The following ANKRD26 variants were observed in gnomAD, a reference collection of about 807,000 sequenced individuals.
ANKRD26 encodes ankyrin repeat domain-containing protein 26.
A neutral mutation model predicts 208.7 loss-of-function variants in ANKRD26; 141 were observed. That is an observed-to-expected ratio of 0.68 (90% CI 0.59 to 0.78). The LOEUF (loss-of-function observed/expected upper bound fraction) is 0.78. Ranked by LOEUF, ANKRD26 falls within the 30% of genes least tolerant of loss-of-function variation. The pLI is 0.00. For missense variants in ANKRD26, 1,889 were observed against 1,938.7 expected, an observed-to-expected ratio of 0.97 and a Z score of 0.48; for synonymous variants, 636 against 660.4, an observed-to-expected ratio of 0.96 and a Z score of 0.57.
chr10:26,955,590 C>CT, the ANKRD26 span, among the ~76,000 whole-genome samples: 1,408 of 152,270 alleles, frequency 9.2e-3, 10 homozygotes, highest in Middle Eastern at 0.037. Flanking sequence ...CTGTATTAAA[C>CT]TTTTTCCATT....
intron 11 of ANKRD26, 115 bp downstream of exon 11, chr10:27,066,372 G>A (rs573205201): frequency 7.7e-6 from 5 of 651,200 alleles, no homozygotes; most frequent in Non-Finnish European, 1.3e-5. Context: ...ATATAAGAAA[G>A]TAGTTCCTTA....
downstream of ANKRD26, among the ~76,000 whole-genome samples, chr10:27,001,269 G>C (rs2052718592): frequency 6.6e-6 from 1 of 152,174 alleles, no homozygotes; most frequent in Non-Finnish European, 1.5e-5. Context: ...GATAAAATGA[G>C]AAGGGCCTAA....
At chr10:26,966,325 T>G in the ANKRD26 span, among the ~76,000 whole-genome samples, 4 of 152,220 alleles carry the variant, frequency 2.6e-5, no homozygotes, top group Non-Finnish European at 5.9e-5. Flanking sequence ...GATCATGTCC[T>G]TTGCAGGGAC....
chr10:27,000,346 T>C (rs1490259479), downstream of ANKRD26, among the ~76,000 whole-genome samples: 4 of 152,220 alleles, frequency 2.6e-5, no homozygotes, highest in African/African-American at 9.6e-5. Context: ...TTGAAAAATA[T>C]TGTTTCCCCT....
At chr10:27,090,572 T>A (rs2056268551) in intron 4 of ANKRD26, among the ~76,000 whole-genome samples, 1 of 152,164 alleles carries the variant, frequency 6.6e-6, no homozygotes, top group Non-Finnish European at 1.5e-5. Flanking sequence ...TGCTCATCTT[T>A]GTAAATTACC....
chr10:27,030,442 AG>A, intron 25 of ANKRD26: 2 of 985,448 alleles, frequency 2.0e-6, no homozygotes, highest in South Asian at 9.4e-5. Flanking sequence ...CTGCGAAACA[AG>A]GTTCCCAAAT....
chr10:27,062,696 C>T (rs1269309076), intron 12 of ANKRD26, among the ~76,000 whole-genome samples: 1 of 152,110 alleles, frequency 6.6e-6, no homozygotes, highest in Non-Finnish European at 1.5e-5. Context: ...CATAACCAAC[C>T]CTACTCTCTT....
chr10:26,999,807 CAAA>C (rs68192322), downstream of ANKRD26, among the ~76,000 whole-genome samples: 10,961 of 74,796 alleles, frequency 0.15, 507 homozygotes, highest in East Asian at 0.34. Flanking sequence ...CAAAACCAAC[CAAA>C]AAAAAAAAAA....
At chr10:27,032,930 C>A (rs2053921927) in intron 25 of ANKRD26, among the ~76,000 whole-genome samples, 2 of 151,414 alleles carry the variant, frequency 1.3e-5, no homozygotes, top group African/African-American at 4.9e-5. Flanking sequence ...AAAAAATTAG[C>A]CAGGTGTGGC....
chr10:27,069,448 T>C (rs2055398921), intron 9 of ANKRD26, among the ~76,000 whole-genome samples: 1 of 152,012 alleles, frequency 6.6e-6, no homozygotes, highest in South Asian at 2.1e-4. Flanking sequence ...TAATATAAAA[T>C]TTGAGGCACC....
At chr10:27,020,273 T>C (rs1268752585) in intron 29 of ANKRD26, among the ~76,000 whole-genome samples, 1 of 152,256 alleles carries the variant, frequency 6.6e-6, no homozygotes, top group African/African-American at 2.4e-5. Context: ...CAAACATTTA[T>C]CATTTATTTG....
chr10:27,040,286 G>T, intron 20 of ANKRD26, 108 bp from the exon 21 acceptor site: 1 of 801,952 alleles, frequency 1.2e-6, no homozygotes. Context: ...CATATTGAGG[G>T]CCTACAATGT....
At chr10:26,982,681 G>A (rs1490037783) in intron 4 of ANKRD26, among the ~76,000 whole-genome samples, 2 of 152,078 alleles carry the variant, frequency 1.3e-5, no homozygotes, top group African/African-American at 4.8e-5. Context: ...AGCAACATAA[G>A]GGAAAGTAAA....
chr10:26,982,406 C>T (rs1427970656), intron 4 of ANKRD26, among the ~76,000 whole-genome samples: 1 of 152,066 alleles, frequency 6.6e-6, no homozygotes, highest in Non-Finnish European at 1.5e-5. Context: ...ATTTTCCTTT[C>T]ATATTCCCCC....
chr10:27,001,614 G>A (rs182781706), downstream of ANKRD26, among the ~76,000 whole-genome samples: 11 of 152,238 alleles, frequency 7.2e-5, no homozygotes, highest in East Asian at 3.9e-4. Flanking sequence ...AAATCTGGCC[G>A]CCCCCACCCT....
exon 6 of ANKRD26, among the ~76,000 whole-genome samples, chr10:26,974,827 G>A (rs1195959640): frequency 2.6e-5 from 4 of 152,182 alleles, no homozygotes; most frequent in East Asian, 1.9e-4. Context: ...TGAAGATATC[G>A]TTCCACTTCC....
In ANKRD26 at chr10:27,046,516, G is replaced by A. The variant is rs745830534; in HGVS notation, c.1822C>T (p.Pro608Ser). The change falls in exon 18 of 34, where the codon CCT becomes TCT. Residue 608 changes from proline to serine, a missense_variant. By Grantham distance (74) the Pro-to-Ser change is moderately conservative (BLOSUM62 -1). Coordinates refer to ENST00000376087, the MANE Select transcript of ANKRD26 (RefSeq NM_014915.3). ...TTTACTTCCTTCATTTGCAAGGCAGGACCACTACTTTAAAAAATCCATGGG... is the reference window on the plus strand; with the variant it reads ...TTTACTTCCTTCATTTGCAAGGCAGAACCACTACTTTAAAAAATCCATGGG... ...KENKEYASSG[P>S]ALQMKEVKST... 1.2e-6 allele frequency: 2 copies of A among 1,612,832 alleles called. No individual in the cohort carries two copies. The highest frequency in any genetic ancestry group is 2.2e-5 in the East Asian group (1 of 44,812).
chr10:26,949,564 G>C, the ANKRD26 span, among the ~76,000 whole-genome samples: 1 of 152,110 alleles, frequency 6.6e-6, no homozygotes, highest in Non-Finnish European at 1.5e-5. Flanking sequence ...GGAGTGCAGT[G>C]GCGAGATTTC....
At chr10:27,099,243 G>T (rs2135786264) in intron 1 of ANKRD26, among the ~76,000 whole-genome samples, 1 of 152,084 alleles carries the variant, frequency 6.6e-6, no homozygotes, top group South Asian at 2.1e-4. Context: ...CGCTTGCCTT[G>T]GTCTCCTAAA....
Sources: gnomAD v4.1 joint callset for allele counts (sites outside exome capture counted in the v4.1 genomes callset) on GRCh38, gnomAD v4.1.1 for gene constraint, MANE v1.5 for transcripts, NCBI Gene and HGNC (gene_info 2026-07-23, HGNC 2026-07-21) for gene names.